TRERF1: variants seen among roughly 807,000 people sequenced by gnomAD.
TRERF1 encodes transcriptional regulating factor 1.
A neutral mutation model predicts 122.9 loss-of-function variants in TRERF1; 27 were observed. The ratio of observed to expected loss-of-function variants is 0.22; its 90% CI spans 0.16 to 0.30. The LOEUF is 0.30. Among genes scored for constraint, TRERF1 ranks in the 10% least tolerant of loss-of-function variants. TRERF1 has a pLI of 1.00. For synonymous variants in TRERF1, 636 were observed against 641.7 expected (o/e 0.99, Z 0.13); for missense variants, 1,248 against 1,560.3 (o/e 0.80, Z 3.37).
chr6:42,351,347 T>G (rs1464379079), intron 3 of TRERF1, among the ~76,000 whole-genome samples: 1 of 152,164 alleles, frequency 6.6e-6, no homozygotes, highest in African/African-American at 2.4e-5. Context: ...ATATTCATAC[T>G]AATAAAAATC....
intron 3 of TRERF1, among the ~76,000 whole-genome samples, chr6:42,326,190 T>G (rs11757158): frequency 6.7e-6 from 1 of 149,118 alleles, no homozygotes. Context: ...AAAAAAAAAA[T>G]TCAGTGCAAC....
At chr6:42,376,390 TG>T (rs1774867631) in intron 2 of TRERF1, among the ~76,000 whole-genome samples, 1 of 152,006 alleles carries the variant, frequency 6.6e-6, no homozygotes, top group African/African-American at 2.4e-5. Flanking sequence ...GTCTGAGAGA[TG>T]ATCTGTGGCT....
At chr6:42,322,830 C>T (rs1429276521) in intron 3 of TRERF1, among the ~76,000 whole-genome samples, 1 of 152,098 alleles carries the variant, frequency 6.6e-6, no homozygotes. Context: ...GGGATTAACG[C>T]TCCCTGCTTT....
chr6:42,392,740 C>T (rs929299830), intron 2 of TRERF1, among the ~76,000 whole-genome samples: 2 of 152,104 alleles, frequency 1.3e-5, no homozygotes, highest in Non-Finnish European at 2.9e-5. Flanking sequence ...TCTTCAAATA[C>T]CTAATTCCTG....
chr6:42,295,125 C>T (rs887501570), intron 4 of TRERF1, among the ~76,000 whole-genome samples: 1 of 152,122 alleles, frequency 6.6e-6, no homozygotes, highest in Non-Finnish European at 1.5e-5. Flanking sequence ...ACAAAGAAGC[C>T]CCCTCCCTAA....
exon 7 of TRERF1, chr6:42,264,812 C>G (rs1349182640): frequency 6.2e-7 from 1 of 1,614,218 alleles, no homozygotes; most frequent in Non-Finnish European, 8.5e-7. Context: ...TCAGCTTGTT[C>G]TTGGCATCAA....
exon 16 of TRERF1, chr6:42,236,354 T>A: frequency 1.3e-6 from 2 of 1,577,782 alleles, no homozygotes; most frequent in Non-Finnish European, 1.7e-6. Flanking sequence ...GTGGATTTCC[T>A]ATCTTCTTCC....
intron 2 of TRERF1, among the ~76,000 whole-genome samples, chr6:42,429,593 A>G (rs1784176950): frequency 6.6e-6 from 1 of 152,170 alleles, no homozygotes; most frequent in Non-Finnish European, 1.5e-5. Flanking sequence ...AAATTCCTAC[A>G]GGCAAAGAGA....
chr6:42,421,138 T>G (rs888878857), intron 2 of TRERF1, among the ~76,000 whole-genome samples: 24 of 152,358 alleles, frequency 1.6e-4, no homozygotes, highest in African/African-American at 5.8e-4. Context: ...GTAACACTAA[T>G]GCCTACCTCA....
intron 13 of TRERF1, among the ~76,000 whole-genome samples, chr6:42,248,779 C>T (rs1287873007): frequency 6.6e-6 from 1 of 152,142 alleles, no homozygotes; most frequent in South Asian, 2.1e-4. Context: ...TAACACGGAG[C>T]CTCAGGGGGG....
At chr6:42,391,803 T>A (rs1777783111) in intron 2 of TRERF1, among the ~76,000 whole-genome samples, 1 of 152,142 alleles carries the variant, frequency 6.6e-6, no homozygotes, top group South Asian at 2.1e-4. Flanking sequence ...TCTATGTACA[T>A]TTCTACCTAA....
intron 14 of TRERF1, among the ~76,000 whole-genome samples, chr6:42,245,974 G>A (rs569217955): frequency 6.6e-6 from 1 of 152,292 alleles, no homozygotes; most frequent in East Asian, 1.9e-4. Context: ...CGGGCGTGGT[G>A]GTGCATGCCT....
chr6:42,447,793 C>T (rs1787795728), intron 2 of TRERF1, among the ~76,000 whole-genome samples: 1 of 152,168 alleles, frequency 6.6e-6, no homozygotes, highest in Non-Finnish European at 1.5e-5. Flanking sequence ...CAACCTCTGC[C>T]TCCCAGGTTC....
intron 4 of TRERF1, among the ~76,000 whole-genome samples, chr6:42,279,783 G>A (rs67497039): frequency 0.027 from 4,154 of 152,168 alleles, 57 homozygotes; most frequent in Non-Finnish European, 0.037. Flanking sequence ...CTATACTCCC[G>A]AGCAGATCAG....
Position 42,443,107 on chromosome 6 carries a change from C to G in TRERF1, c.-454+8070G>C, listed in dbSNP as rs1040858835. 5.3e-5 allele frequency among the ~76,000 whole-genome samples: 8 copies of G among 152,316 alleles called. No individual in the cohort carries two copies. The South Asian group carries it at 1.7e-3, about 32-fold the overall frequency. Reference sequence around the variant, plus strand: ...TTTTTCGTTGATTTCTTCCTTCTCTCTATGAAACCAAATTGCTATCAGTTC... The same window carrying G: ...TTTTTCGTTGATTTCTTCCTTCTCTGTATGAAACCAAATTGCTATCAGTTC... On this transcript the variant is annotated intron_variant, in intron 2 of 17. Coordinates refer to ENST00000372922, the Ensembl canonical transcript of TRERF1.
Position 42,263,407 on chromosome 6 carries a change from A to G in TRERF1, c.1797T>C (p.Ser599=). The G allele has an allele frequency of 1.2e-6, 2 of 1,612,420 alleles. No individual in the cohort carries two copies. Among genetic ancestry groups the G allele is most frequent in the Middle Eastern group, 3.3e-4 (2 of 6,056 alleles). Residue 599 remains serine (S), a synonymous_variant, in exon 8 of 18, where the codon TCT becomes TCC. Transcript: ENST00000372922. The surrounding 1 kb of genome is among the most constrained non-coding windows in gnomAD (Gnocchi z 5.6). The stretch of plus-strand genomic sequence containing the variant: ...CAACGGTGCTGTTGGTGAACCCCTG[A>G]GAGCTGGGCTTGGGCGGGAGAAGCT...
chr6:42,356,836 T>A (rs1214498028), intron 3 of TRERF1, among the ~76,000 whole-genome samples: 1 of 152,048 alleles, frequency 6.6e-6, no homozygotes, highest in African/African-American at 2.4e-5. Context: ...CCTCCCAAAG[T>A]GCTGGGATTA....
At chr6:42,408,695 T>C (rs1454915897) in intron 2 of TRERF1, among the ~76,000 whole-genome samples, 1 of 152,028 alleles carries the variant, frequency 6.6e-6, no homozygotes, top group Non-Finnish European at 1.5e-5. Context: ...AACATGATTT[T>C]ATTATTTTTA....
intron 3 of TRERF1, among the ~76,000 whole-genome samples, chr6:42,327,984 A>G (rs1458447413): frequency 1.4e-5 from 2 of 145,890 alleles, no homozygotes; most frequent in African/African-American, 5.1e-5. Context: ...TACTATCCCT[A>G]ATTTTCTTTT....
Sources: gnomAD v4.1 joint callset for allele counts (sites outside exome capture counted in the v4.1 genomes callset) on GRCh38, gnomAD v4.1.1 for gene constraint, Gnocchi (gnomAD v3.1) non-coding constraint, MANE v1.5 for transcripts, NCBI Gene and HGNC (gene_info 2026-07-23, HGNC 2026-07-21) for gene names.